ADSL: variants seen among roughly 807,000 people sequenced by gnomAD.
ADSL encodes adenylosuccinate lyase.
In ADSL, 44 loss-of-function variants were observed where a neutral mutation model predicts 62.1. That is an observed-to-expected ratio of 0.71 (90% CI 0.56 to 0.91). The LOEUF is 0.91. Ranked by LOEUF, ADSL falls within the 40% of genes least tolerant of loss-of-function variation. ADSL has a pLI of 0.00. For synonymous variants in ADSL, 198 were observed against 220.5 expected (o/e 0.90, Z 0.90); for missense variants, 531 against 627.4 (o/e 0.85, Z 1.64).
At chr22:40,347,141 C>T (rs2044173780) in intron 1 of ADSL, among the ~76,000 whole-genome samples, 1 of 152,186 alleles carries the variant, frequency 6.6e-6, no homozygotes, top group Non-Finnish European at 1.5e-5. Context: ...AGAACAAAGC[C>T]CGGACAGCTT....
rs1334390676 is a variant in ADSL, at chr22:40,366,866, C to A, written c.*344C>A. ...CCTGTCTTCTAAAAGTGAATTTGAT[C>A]TAGGTCTAGCAAAATAACCTGGACT... On this transcript the variant is annotated 3_prime_UTR_variant, in exon 13 of 13. Coordinates refer to ENST00000623063, the MANE Select transcript of ADSL (RefSeq NM_000026.4). 2 of 322,044 alleles carry A rather than the reference C, an allele frequency of 6.2e-6. No individual in the cohort carries two copies. Among genetic ancestry groups the A allele is most frequent in the Non-Finnish European group, 1.2e-5 (2 of 168,248 alleles). The allele number at this position is 322,044 out of a possible 1,614,324, so 19.9% of individuals were successfully genotyped here.
chr22:40,363,157 G>A, intron 10 of ADSL, 86 bp downstream of exon 10: 1 of 1,282,232 alleles, frequency 7.8e-7, no homozygotes, highest in East Asian at 2.3e-5. Context: ...TGAGGGAGCT[G>A]TATTCTGATC....
intron 2 of ADSL, chr22:40,387,301 T>G: frequency 2.5e-6 from 1 of 398,334 alleles, no homozygotes; most frequent in Non-Finnish European, 4.4e-6. Context: ...TAGTGTAGTA[T>G]AATTACCATT....
chr22:40,364,303 C>G lies in ADSL; in HGVS notation c.1129C>G (p.Leu377Val). Residue 377 changes from leucine to valine, a missense_variant, in exon 11 of 13, where the codon CTG (leucine) becomes GTG (valine). This residue lies in a region of ADSL where 471 missense variants were observed against 592.9 expected (regional missense o/e 0.79). Transcript: ENST00000623063. ...KVIERRIRQE[L>V]PFMATENIIM... ...AATTGAACGGCGCATTCGGCAAGAGCTGCCTTTCATGGCCACAGAGAACAT... is the reference window on the plus strand; with the variant it reads ...AATTGAACGGCGCATTCGGCAAGAGGTGCCTTTCATGGCCACAGAGAACAT... The G allele has an allele frequency of 6.2e-7, 1 of 1,614,058 alleles. No homozygotes were observed. Among genetic ancestry groups the G allele is most frequent in the Non-Finnish European group, 8.5e-7 (1 of 1,180,030 alleles).
At chr22:40,353,961 A>G (rs1305625953) in intron 3 of ADSL, 6 of 497,292 alleles carry the variant, frequency 1.2e-5, no homozygotes, top group African/African-American at 9.7e-5. Context: ...AGTGCAACCA[A>G]AGGCATGTTG....
intron 2 of ADSL, chr22:40,387,190 AAC>A (rs2048608899): frequency 2.5e-6 from 1 of 398,466 alleles, no homozygotes; most frequent in African/African-American, 2.1e-5. Context: ...ATGAATGCTT[AAC>A]ACATATTATT....
chr22:40,369,565 A>G (rs2045133415), downstream of ADSL, among the ~76,000 whole-genome samples: 2 of 151,568 alleles, frequency 1.3e-5, no homozygotes, highest in African/African-American at 4.8e-5. Context: ...GTGCAGTGGC[A>G]TGACCACAGT....
At chr22:40,370,471 AATC>A (rs1273353345), downstream of ADSL, 2 of 152,354 alleles carry the variant, frequency 1.3e-5, no homozygotes, top group Non-Finnish European at 2.9e-5. Flanking sequence ...CAGACGAAGA[AATC>A]ATCGCTATGC....
intron 2 of ADSL, among the ~76,000 whole-genome samples, chr22:40,351,401 A>ACCTCAGACGATCTACCCT (rs1270991131): frequency 6.6e-6 from 1 of 151,718 alleles, no homozygotes; most frequent in Non-Finnish European, 1.5e-5. Context: ...CGAACTCCTG[A>ACCTCAGACGATCTACCCT]CCTCAGACGA....
rs11089991 is a variant in ADSL at position 40,354,285 on chromosome 22, A to T, written c.440A>T (p.Lys147Met). ...ATCTCTCGGCTTGCCGACTTTGCTA[A>T]GGAACGAGCCAGTCTACCCACATTA... The part of the protein sequence containing the change: ...RVISRLADFA[K>M]ERASLPTLGF... The change falls in exon 4 of 13, where the codon AAG becomes ATG. Residue 147 changes from lysine (K) to methionine (M), a missense_variant. Physicochemically the swap from Lys to Met is moderately conservative, Grantham distance 95. Transcript: ENST00000623063. 3,953 of 1,614,214 alleles carry T rather than the reference A, an allele frequency of 2.4e-3. 79 individuals are homozygous for T. In the African/African-American group the frequency reaches 0.046, roughly 19 times the overall value.
downstream of ADSL, chr22:40,370,540 G>A (rs949592304): frequency 3.3e-5 from 5 of 152,292 alleles, no homozygotes; most frequent in East Asian, 1.9e-4. Context: ...CCTAGTGGGC[G>A]GGAACGACTA....
At chr22:40,361,436 AT>A (rs2146662728) in intron 8 of ADSL, 51 bp from the exon 9 acceptor site, 2 of 1,613,832 alleles carry the variant, frequency 1.2e-6, no homozygotes, top group African/African-American at 2.7e-5. Flanking sequence ...CCTACTCACT[AT>A]CCTCTGAAGT....
chr22:40,380,433 C>T (rs868557893), intron 2 of ADSL, among the ~76,000 whole-genome samples: 11 of 148,270 alleles, frequency 7.4e-5, no homozygotes, highest in South Asian at 2.1e-4. Context: ...GTGGCACTAT[C>T]TCAGCTCACT....
intron 2 of ADSL, chr22:40,376,172 T>C (rs2046522903): frequency 7.4e-6 from 1 of 134,698 alleles, no homozygotes; most frequent in Non-Finnish European, 1.6e-5. Flanking sequence ...TAAAGTCAAA[T>C]TACCACTTTT....
chr22:40,360,420 G>A lies in ADSL; in HGVS notation c.720G>A (p.Gly240=), dbSNP rs780996092. Residue 240 remains glycine (G), a synonymous_variant, in exon 7 of 13, where the codon GGG becomes GGA. Coordinates refer to ENST00000623063, the MANE Select transcript of ADSL (RefSeq NM_000026.4). ...TTCCTAGAGCTTTCATCATCACAGG[G>A]CAGACATATACACGAAAAGTGGATA... The part of the protein sequence containing the change: ...AGFKRAFIIT[G]QTYTRKVDIE... 1.2e-6 allele frequency: 2 copies of A among 1,613,488 alleles called. No individual in the cohort carries two copies. The highest frequency in any genetic ancestry group is 1.3e-5 in the African/African-American group (1 of 74,974).
rs2146678693 is a variant in ADSL at position 40,366,550 on chromosome 22, T to C, written c.*28T>C. 2.0e-6 allele frequency: 3 copies of C among 1,515,824 alleles called. No individual in the cohort carries two copies. The East Asian group carries it at 6.8e-5, about 34-fold the overall frequency. 93.9% of individuals were successfully genotyped at this position (1,515,824 alleles called of 1,614,324 possible). A position where few individuals can be genotyped will look rare whatever the true frequency, so the allele number is the denominator to read the frequency against. On this transcript the variant is annotated 3_prime_UTR_variant, in exon 13 of 13. Coordinates refer to ENST00000623063, the MANE Select transcript of ADSL (RefSeq NM_000026.4). The stretch of plus-strand genomic sequence containing the variant: ...TTGGAAGAGAATTAAACGAAAATCA[T>C]TGTTAATTGCTGAGGCATGAAAATT...
intron 1 of ADSL, among the ~76,000 whole-genome samples, 168 bp downstream of exon 1, chr22:40,346,879 G>T (rs1488629250): frequency 6.6e-6 from 1 of 152,208 alleles, no homozygotes; most frequent in Non-Finnish European, 1.5e-5. Flanking sequence ...GCAAGGGCAG[G>T]AGATCCGGGA....
At chr22:40,348,678 TTATAAA>T in intron 1 of ADSL, 1 of 398,496 alleles carries the variant, frequency 2.5e-6, no homozygotes, top group Non-Finnish European at 4.4e-6. Flanking sequence ...GACTTTTTAC[TTATAAA>T]TATTTTCCAA....
In ADSL at chr22:40,361,282, G is replaced by C. The variant is rs746501563; in HGVS notation, c.802G>C (p.Asp268His). The C allele has an allele frequency of 1.2e-6, 2 of 1,614,082 alleles. No individual in the cohort carries two copies. Among genetic ancestry groups the C allele is most frequent in the Non-Finnish European group, 1.7e-6 (2 of 1,180,000 alleles). The change falls in exon 8 of 13, where the codon GAC becomes CAC. Residue 268 changes from aspartate to histidine, a missense_variant. By Grantham distance (81) the Asp-to-His change is moderately conservative (BLOSUM62 -1). This residue lies in a region of ADSL where 471 missense variants were observed against 592.9 expected (regional missense o/e 0.79). Transcript: ENST00000623063. The stretch of plus-strand genomic sequence containing the variant: ...CCCCTACCTCCCCCAGATTTGCACC[G>C]ACATACGCCTCCTGGCAAACCTCAA... ...LGASVHKICT[D>H]IRLLANLKEM... is the part of the protein sequence containing the mutation.
Sources: allele counts gnomAD v4.1 joint callset (sites outside exome capture counted in the v4.1 genomes callset), GRCh38; gene constraint gnomAD v4.1.1; regional missense constraint gnomAD v4.1.1; transcripts MANE v1.5; gene names NCBI Gene and HGNC (gene_info 2026-07-23, HGNC 2026-07-21).